The following RBFOX3 variants were observed in gnomAD, a reference collection of about 807,000 sequenced individuals.
RBFOX3 encodes RNA binding fox-1 homolog 3, also known as RNA binding protein fox-1 homolog 3.
A neutral mutation model predicts 48.7 loss-of-function variants in RBFOX3; 17 were observed. That is an observed-to-expected ratio of 0.35 (90% CI 0.24 to 0.52). The LOEUF (loss-of-function observed/expected upper bound fraction) is 0.52, where lower values mean the gene tolerates loss of function less well. RBFOX3 is among the 20% of genes least tolerant of loss of function. The pLI, the probability that RBFOX3 is intolerant of heterozygous loss-of-function variation, is 0.94. For synonymous variants in RBFOX3, 212 were observed against 209.5 expected, an observed-to-expected ratio of 1.01 and a Z score of -0.10; for missense variants, 382 against 497.5, an observed-to-expected ratio of 0.77 and a Z score of 2.21.
At chr17:79,384,853 G>A (rs1158833175) in intron 2 of RBFOX3, among the ~76,000 whole-genome samples, 1 of 152,244 alleles carries the variant, frequency 6.6e-6, no homozygotes, top group Non-Finnish European at 1.5e-5. Flanking sequence ...AGAGTCCAGC[G>A]GCAAAACGCA....
chr17:79,189,248 T>C (rs1381438755), intron 4 of RBFOX3, among the ~76,000 whole-genome samples: 1 of 152,208 alleles, frequency 6.6e-6, no homozygotes, highest in Non-Finnish European at 1.5e-5. Flanking sequence ...GAAGGTGTAA[T>C]GATGCCCATT....
chr17:79,185,224 T>G (rs2053157584), intron 4 of RBFOX3, among the ~76,000 whole-genome samples: 1 of 152,184 alleles, frequency 6.6e-6, no homozygotes, highest in African/African-American at 2.4e-5. Flanking sequence ...TGACCTGCAA[T>G]CCTGCTCTGT....
At chr17:79,329,873 A>C (rs1452618806) in intron 2 of RBFOX3, among the ~76,000 whole-genome samples, 1 of 152,196 alleles carries the variant, frequency 6.6e-6, no homozygotes, top group Non-Finnish European at 1.5e-5. Context: ...GGTCCCACGC[A>C]GAGTCCGGCT....
intron 3 of RBFOX3, among the ~76,000 whole-genome samples, chr17:79,291,506 G>A (rs1408509264): frequency 6.6e-6 from 1 of 152,146 alleles, no homozygotes; most frequent in Non-Finnish European, 1.5e-5. Context: ...TCTTGGTCAG[G>A]GATGCTCCTC....
intron 3 of RBFOX3, among the ~76,000 whole-genome samples, chr17:79,264,442 C>T (rs527937599): frequency 5.3e-5 from 8 of 151,840 alleles, no homozygotes; most frequent in South Asian, 2.1e-4. Flanking sequence ...TGGGCTCAAG[C>T]GATTCTCCTG....
At chr17:79,464,081 C>T (rs1480581730) in intron 2 of RBFOX3, among the ~76,000 whole-genome samples, 3 of 152,232 alleles carry the variant, frequency 2.0e-5, no homozygotes, top group Admixed American at 6.5e-5. Context: ...TGGCAACCAC[C>T]AATGATGGGG....
intron 2 of RBFOX3, among the ~76,000 whole-genome samples, chr17:79,455,712 C>T (rs138242808): frequency 5.7e-4 from 87 of 152,302 alleles, no homozygotes; most frequent in African/African-American, 1.9e-3. Flanking sequence ...ACCACACACT[C>T]GCTCACAGCA....
At chr17:79,510,984 C>T (rs2084086664) in intron 1 of RBFOX3, among the ~76,000 whole-genome samples, 1 of 152,296 alleles carries the variant, frequency 6.6e-6, no homozygotes, top group East Asian at 1.9e-4. Context: ...AGAACCTCGG[C>T]CTCCTTTGTC....
At chr17:79,335,730 T>C (rs1195524355) in intron 2 of RBFOX3, among the ~76,000 whole-genome samples, 1 of 152,182 alleles carries the variant, frequency 6.6e-6, no homozygotes, top group African/African-American at 2.4e-5. Flanking sequence ...GGTGCTGTGC[T>C]CCACCTGAGC....
At chr17:79,562,708 C>A (rs908852331) in intron 1 of RBFOX3, among the ~76,000 whole-genome samples, 16 of 152,198 alleles carry the variant, frequency 1.1e-4, no homozygotes, top group Admixed American at 3.3e-4. Context: ...AGGGTGGGCC[C>A]CGGCCCCGGC....
At chr17:79,232,699 GA>G (rs34460209) in intron 4 of RBFOX3, among the ~76,000 whole-genome samples, 25,805 of 151,898 alleles carry the variant, frequency 0.17, 2,537 homozygotes, top group Non-Finnish European at 0.22. Flanking sequence ...AAGCATAGGC[GA>G]AAAAAAATCT....
At chr17:79,349,162 C>A (rs1295631240) in intron 2 of RBFOX3, among the ~76,000 whole-genome samples, 3 of 152,054 alleles carry the variant, frequency 2.0e-5, no homozygotes, top group Non-Finnish European at 4.4e-5. Context: ...CCCAACCATG[C>A]AAGTTTCCTG....
chr17:79,287,959 C>T (rs187191428), intron 3 of RBFOX3, among the ~76,000 whole-genome samples: 16 of 152,322 alleles, frequency 1.1e-4, no homozygotes, highest in Admixed American at 3.9e-4. Flanking sequence ...CCAGTTAAGT[C>T]GGGCCATTCC....
chr17:79,548,448 G>A (rs2090759497), intron 1 of RBFOX3, among the ~76,000 whole-genome samples: 2 of 152,234 alleles, frequency 1.3e-5, no homozygotes, highest in African/African-American at 4.8e-5. Context: ...AAAGGGCCTG[G>A]CAGCCCCGTG....
intron 4 of RBFOX3, among the ~76,000 whole-genome samples, chr17:79,192,590 C>T (rs1036524621): frequency 6.6e-6 from 1 of 152,094 alleles, no homozygotes; most frequent in Non-Finnish European, 1.5e-5. Flanking sequence ...GGGGTGGACA[C>T]GGGGGCTGGA....
upstream of RBFOX3, among the ~76,000 whole-genome samples, chr17:79,612,271 G>A (rs917760504): frequency 4.6e-5 from 7 of 152,262 alleles, no homozygotes; most frequent in Admixed American, 2.0e-4. Flanking sequence ...ATCCAAACCC[G>A]TCCCCATGTC....
rs921309015 is a variant in RBFOX3, at chr17:79,195,425, A to G, written c.-34+40341T>C. On this transcript the variant is annotated intron_variant, in intron 4 of 14. Coordinates refer to ENST00000693108, the MANE Select transcript of RBFOX3 (RefSeq NM_001350451.2). This position sits in a 1 kb window ranked among gnomAD's most constrained non-coding sequence, Gnocchi z 5.3. ...TTGAAAAAAAAAAAGAAGAAGAAGA[A>G]ATGCAAAATGCAAAGCCAACTGGGT... Among the ~76,000 whole-genome samples the G allele has an allele frequency of 6.6e-6, 1 of 152,010 alleles. No individual in the cohort carries two copies. Among genetic ancestry groups the G allele is most frequent in the African/African-American group, 2.4e-5 (1 of 41,380 alleles).
At chr17:79,626,589 G>C in the RBFOX3 span, among the ~76,000 whole-genome samples, 1 of 152,186 alleles carries the variant, frequency 6.6e-6, no homozygotes, top group Non-Finnish European at 1.5e-5. Context: ...GCACCTCATC[G>C]TCCAGGATAA....
At chr17:79,170,147 A>AAGGAAGGGAGGAGGAAGG (rs1599782293) in intron 4 of RBFOX3, among the ~76,000 whole-genome samples, 1 of 142,458 alleles carries the variant, frequency 7.0e-6, no homozygotes, top group East Asian at 2.1e-4. Flanking sequence ...GGAGGGAAGG[A>AAGGAAGGGAGGAGGAAGG]AGGAAGGGAG....
Sources: allele counts gnomAD v4.1 joint callset (sites outside exome capture counted in the v4.1 genomes callset), GRCh38; gene constraint gnomAD v4.1.1; non-coding constraint Gnocchi (gnomAD v3.1); transcripts MANE v1.5; gene names NCBI Gene and HGNC (gene_info 2026-07-23, HGNC 2026-07-21).